The following CFAP54 variants were observed in gnomAD, a reference collection of about 807,000 sequenced individuals.
The protein encoded by CFAP54 is cilia and flagella associated protein 54.
A neutral mutation model predicts 370.4 loss-of-function variants in CFAP54; 290 were observed. That is an observed-to-expected ratio of 0.78 (90% CI 0.71 to 0.86). CFAP54 has a LOEUF of 0.86. CFAP54 is among the 40% of genes least tolerant of loss of function. The pLI, the probability that CFAP54 is intolerant of heterozygous loss-of-function variation, is 0.00. For synonymous variants in CFAP54, 1,206 were observed against 1,236.5 expected, an observed-to-expected ratio of 0.98 and a Z score of 0.52; for missense variants, 3,399 against 3,528.7, an observed-to-expected ratio of 0.96 and a Z score of 0.93.
intron 45 of CFAP54, among the ~76,000 whole-genome samples, chr12:96,695,787 C>T (rs1057063020): frequency 1.3e-5 from 2 of 152,138 alleles, no homozygotes; most frequent in Admixed American, 1.3e-4. Flanking sequence ...CTAGAAAATA[C>T]TTGGTAGATA....
chr12:96,609,542 A>C (rs1325457698), intron 26 of CFAP54, among the ~76,000 whole-genome samples: 1 of 152,022 alleles, frequency 6.6e-6, no homozygotes, highest in Non-Finnish European at 1.5e-5. Context: ...ATAGATGCTG[A>C]CTCCTAACAG....
intron 29 of CFAP54, among the ~76,000 whole-genome samples, chr12:96,626,424 A>G (rs1956549995): frequency 6.6e-6 from 1 of 151,950 alleles, no homozygotes; most frequent in African/African-American, 2.4e-5. Flanking sequence ...AAAATGTATT[A>G]GTGAATTTCA....
intron 60 of CFAP54, among the ~76,000 whole-genome samples, chr12:96,778,542 A>G (rs948292631): frequency 1.3e-5 from 2 of 152,174 alleles, no homozygotes; most frequent in South Asian, 2.1e-4. Context: ...TAGTAGCATC[A>G]CCTGTCTCCT....
chr12:96,689,069 C>T (rs1957360151), intron 43 of CFAP54, 87 bp downstream of exon 43: 1 of 693,730 alleles, frequency 1.4e-6, no homozygotes, highest in African/African-American at 1.9e-5. Flanking sequence ...TCAGAAAACT[C>T]ACAGGTAGCA....
chr12:96,760,420 T>G (rs1320927264), intron 58 of CFAP54, among the ~76,000 whole-genome samples: 1 of 152,224 alleles, frequency 6.6e-6, no homozygotes, highest in Non-Finnish European at 1.5e-5. Flanking sequence ...AGATCCCTTA[T>G]GCCTATTTGC....
rs1280716416 is a variant in CFAP54, at chr12:96,841,327, C to T, written c.9171+12239C>T. Among the ~76,000 whole-genome samples the T allele has an allele frequency of 3.3e-5, 5 of 152,198 alleles. No homozygotes were observed. The East Asian group carries it at 9.6e-4, about 29-fold the overall frequency. On this transcript the variant is annotated intron_variant, in intron 66 of 67. Coordinates refer to ENST00000524981, the MANE Select transcript of CFAP54 (RefSeq NM_001306084.2). ...GAATCATTAGCAAATCTGTTCATTG[C>T]TTTCTATTTTGCTGGAAATCAAGTT...
rs1565989423 is a variant in CFAP54 at position 96,817,806 on chromosome 12, C to G, written c.8989C>G (p.Leu2997Val). Reference sequence around the variant, plus strand: ...TGCAATTCATGAGAAATTATCTAATCTTGCTCAAATAGCTGAACTATCATT... The same window carrying G: ...TGCAATTCATGAGAAATTATCTAATGTTGCTCAAATAGCTGAACTATCATT... ...VIAIHEKLSN[L>V]AQIAELSLPA... The change falls in exon 65 of 68, where the codon CTT becomes GTT. Residue 2997 changes from leucine to valine, a missense_variant. This residue lies in a region of CFAP54 where 2,796 missense variants were observed against 2,869.7 expected (regional missense o/e 0.97). Transcript: ENST00000524981. 2 of 1,501,056 alleles carry G rather than the reference C, an allele frequency of 1.3e-6. No individual in the cohort carries two copies. The highest frequency in any genetic ancestry group is 1.8e-6 in the Non-Finnish European group (2 of 1,127,326). The allele number at this position is 1,501,056 out of a possible 1,614,324, so 93.0% of individuals were successfully genotyped here.
intron 15 of CFAP54, among the ~76,000 whole-genome samples, chr12:96,551,100 C>T (rs1955688701): frequency 6.6e-6 from 1 of 152,042 alleles, no homozygotes; most frequent in Non-Finnish European, 1.5e-5. Flanking sequence ...GAAACCATGA[C>T]TCTGCAAAAA....
intron 12 of CFAP54, among the ~76,000 whole-genome samples, chr12:96,536,626 CTTTTTTTTT>C (rs10638883): frequency 7.2e-6 from 1 of 138,142 alleles, no homozygotes; most frequent in Non-Finnish European, 1.6e-5. Context: ...TTTTCTTTTT[CTTTTTTTTT>C]TTTTTTTTTG....
At chr12:96,535,231 G>A (rs1416673882) in intron 11 of CFAP54, among the ~76,000 whole-genome samples, 1 of 151,814 alleles carries the variant, frequency 6.6e-6, no homozygotes, top group Admixed American at 6.6e-5. Context: ...TATGTTTTTA[G>A]TAGAGACAGG....
At chr12:96,646,955 G>A (rs1013129882) in intron 33 of CFAP54, 2 of 152,116 alleles carry the variant, frequency 1.3e-5, no homozygotes, top group Admixed American at 1.3e-4. Flanking sequence ...CCTGTTATGG[G>A]GTGGTGGGAG....
At chr12:96,629,366 C>T (rs1027048060) in intron 30 of CFAP54, among the ~76,000 whole-genome samples, 1 of 151,852 alleles carries the variant, frequency 6.6e-6, no homozygotes, top group East Asian at 1.9e-4. Flanking sequence ...TGCAGTGGCG[C>T]GATCTTGGCT....
intron 40 of CFAP54, among the ~76,000 whole-genome samples, chr12:96,683,157 A>G (rs535408874): frequency 6.6e-6 from 1 of 152,374 alleles, no homozygotes; most frequent in East Asian, 1.9e-4. Flanking sequence ...AGCTCTAAAT[A>G]TAAAAATAGG....
chr12:96,751,999 G>A (rs1409729885), intron 55 of CFAP54, among the ~76,000 whole-genome samples: 2 of 150,502 alleles, frequency 1.3e-5, no homozygotes, highest in Admixed American at 6.7e-5. Flanking sequence ...CTTCTTCTCC[G>A]TATTCACTTT....
chr12:96,651,402 A>C (rs1396896021), intron 35 of CFAP54, among the ~76,000 whole-genome samples, 186 bp from the exon 36 acceptor site: 3 of 152,206 alleles, frequency 2.0e-5, no homozygotes, highest in Admixed American at 2.0e-4. Context: ...CACTTACTTC[A>C]TGGAAATCTT....
At chr12:96,667,572 G>A (rs932410907) in intron 39 of CFAP54, among the ~76,000 whole-genome samples, 12 of 152,174 alleles carry the variant, frequency 7.9e-5, no homozygotes, top group African/African-American at 2.9e-4. Context: ...TATGGCTGGA[G>A]CAGCTGGGAT....
At chr12:96,599,612 T>C (rs1956218330) in intron 26 of CFAP54, among the ~76,000 whole-genome samples, 2 of 152,228 alleles carry the variant, frequency 1.3e-5, no homozygotes, top group African/African-American at 4.8e-5. Flanking sequence ...TGAACTAATT[T>C]ACACTCCCAT....
chr12:96,694,533 C>G (rs1249965355), intron 45 of CFAP54, among the ~76,000 whole-genome samples: 1 of 152,028 alleles, frequency 6.6e-6, no homozygotes, highest in Non-Finnish European at 1.5e-5. Flanking sequence ...CATATATTCA[C>G]CCTTTTTTCT....
At chr12:96,767,826 C>G (rs1958415502) in intron 60 of CFAP54, among the ~76,000 whole-genome samples, 1 of 131,436 alleles carries the variant, frequency 7.6e-6, no homozygotes, top group Admixed American at 7.5e-5. Context: ...CCTCAGTAAT[C>G]TTAGCTTTAA....
Sources: allele counts gnomAD v4.1 joint callset (sites outside exome capture counted in the v4.1 genomes callset), GRCh38; gene constraint gnomAD v4.1.1; regional missense constraint gnomAD v4.1.1; transcripts MANE v1.5; gene names NCBI Gene and HGNC (gene_info 2026-07-23, HGNC 2026-07-21).